The following GDA variants were observed in gnomAD, a reference collection of about 807,000 sequenced individuals.
GDA encodes the protein cytoplasmic PSD-95 interactor.
Under a neutral mutation model 59.6 loss-of-function variants are expected in GDA, and 18 were observed. The observed-to-expected ratio is 0.30, with a 90% CI of 0.21 to 0.45. The LOEUF (loss-of-function observed/expected upper bound fraction) is 0.45, where lower values mean the gene tolerates loss of function less well. GDA is among the 20% of genes least tolerant of loss of function. The probability of loss-of-function intolerance (pLI) is 1.00; values close to 1 mark genes in which losing one functional copy is unlikely to be tolerated. For synonymous variants in GDA, 201 were observed against 201.1 expected, an observed-to-expected ratio of 1.00 and a Z score of 0.00; for missense variants, 427 against 552.3, an observed-to-expected ratio of 0.77 and a Z score of 2.27.
In GDA at chr9:72,203,802, AG is replaced by A. The variant is rs572803689; in HGVS notation, c.384+1061del. On this transcript the variant is annotated intron_variant, in intron 3 of 13. Coordinates refer to ENST00000358399, the MANE Select transcript of GDA (RefSeq NM_004293.5). Reference sequence around the variant, plus strand: ...CATCATTCCAGTCTTAGAGAGTAAAAGCAAGTGCTTTTTTTTTTTCTTCTTT... The same window carrying A: ...CATCATTCCAGTCTTAGAGAGTAAAACAAGTGCTTTTTTTTTTTCTTCTTT... 2.9e-3 allele frequency among the ~76,000 whole-genome samples: 446 copies of A among 151,858 alleles called. 2 individuals carry two copies. Among genetic ancestry groups the A allele is most frequent in the African/African-American group, 0.01 (428 of 41,442 alleles).
chr9:72,231,663 T>C (rs1838367348), intron 10 of GDA, among the ~76,000 whole-genome samples: 1 of 152,180 alleles, frequency 6.6e-6, no homozygotes, highest in South Asian at 2.1e-4. Flanking sequence ...GATTAGGCTA[T>C]AAAGGATGAT....
At position 72,252,153 on chromosome 9, in the gene GDA, C is replaced by T. The variant is rs1369953783; in HGVS notation, c.*3811C>T. ...TTTTTCTCAATATTTGTATGATTCGCTTACTGTTATTGTGCTGAGTGAGCT... is the reference window on the plus strand; with the variant it reads ...TTTTTCTCAATATTTGTATGATTCGTTTACTGTTATTGTGCTGAGTGAGCT... On this transcript the variant is annotated 3_prime_UTR_variant, in exon 14 of 14. Transcript: ENST00000358399. The T allele has an allele frequency of 6.6e-6, 1 of 152,542 alleles. No individual in the cohort carries two copies. The highest frequency in any genetic ancestry group is 1.5e-5 in the Non-Finnish European group (1 of 68,018). The allele number at this position is 152,542 out of a possible 1,614,324, so 9.4% of individuals were successfully genotyped here.
intron 1 of GDA, among the ~76,000 whole-genome samples, chr9:72,163,320 G>T (rs111837588): frequency 1.3e-5 from 2 of 152,058 alleles, no homozygotes; most frequent in African/African-American, 4.8e-5. Flanking sequence ...ATTGCAATTT[G>T]GGGGGCATGC....
intron 8 of GDA, among the ~76,000 whole-genome samples, chr9:72,226,687 T>C (rs1287878881): frequency 1.3e-5 from 2 of 152,224 alleles, no homozygotes; most frequent in African/African-American, 4.8e-5. Context: ...AGGTTAATAC[T>C]TTGCATAAAT....
At chr9:72,133,187 G>T (rs1182236453) in intron 1 of GDA, among the ~76,000 whole-genome samples, 1 of 151,132 alleles carries the variant, frequency 6.6e-6, no homozygotes, top group East Asian at 1.9e-4. Context: ...CTACTTGGGA[G>T]GCTGAGGCAG....
upstream of GDA, among the ~76,000 whole-genome samples, chr9:72,149,181 G>A (rs1220207881): frequency 6.6e-6 from 1 of 152,226 alleles, no homozygotes; most frequent in Non-Finnish European, 1.5e-5. Context: ...CCTAGGAGTT[G>A]AAGGGTCAGA....
chr9:72,225,328 T>C (rs1837416206), intron 7 of GDA, among the ~76,000 whole-genome samples: 2 of 152,114 alleles, frequency 1.3e-5, no homozygotes, highest in African/African-American at 4.8e-5. Context: ...GCTAGGGTCC[T>C]GACTATCTTC....
At chr9:72,133,308 A>AAATAATAATAATAAT (rs1554722433) in intron 1 of GDA, among the ~76,000 whole-genome samples, 4 of 101,554 alleles carry the variant, frequency 3.9e-5, no homozygotes, top group African/African-American at 9.2e-5. Flanking sequence ...AAAAAAAAAA[A>AAATAATAATAATAAT]AATAATAATA....
At chr9:72,155,219 C>T (rs1397027773) in intron 1 of GDA, among the ~76,000 whole-genome samples, 1 of 152,152 alleles carries the variant, frequency 6.6e-6, no homozygotes, top group Non-Finnish European at 1.5e-5. Context: ...ACACTTCTTA[C>T]ATGGCGGCAG....
chr9:72,202,665 C>T lies in GDA; in HGVS notation c.307C>T (p.Leu103=). The part of the protein sequence containing the change: ...SSIDLPLLEW[L]TKYTFPAEHR... ...CATAGACCTGCCACTCTTGGAGTGG[C>T]TGACCAAGTACACATTTCCTGCAGA... The change falls in exon 3 of 14, where the codon CTG becomes TTG. Residue 103 remains leucine, a synonymous_variant. Transcript: ENST00000358399. 1 of 1,613,416 alleles carries T rather than the reference C, an allele frequency of 6.2e-7. No individual in the cohort carries two copies. The highest frequency in any genetic ancestry group is 8.5e-7 in the Non-Finnish European group (1 of 1,179,396).
chr9:72,196,439 A>T (rs932396971), intron 2 of GDA, among the ~76,000 whole-genome samples: 4 of 151,280 alleles, frequency 2.6e-5, no homozygotes, highest in Admixed American at 2.6e-4. Flanking sequence ...GTGAGCCAAG[A>T]TCATGCCACT....
At chr9:72,252,638 T>C (rs1482362830), downstream of GDA, among the ~76,000 whole-genome samples, 3 of 152,356 alleles carry the variant, frequency 2.0e-5, no homozygotes, top group East Asian at 5.8e-4. Context: ...TTTTAGTCTA[T>C]GTCATTTTAT....
intron 2 of GDA, 29 bp from the exon 3 acceptor site, chr9:72,202,542 A>T (rs761964345): frequency 2.8e-6 from 4 of 1,427,698 alleles, no homozygotes; most frequent in Non-Finnish European, 3.9e-6. Flanking sequence ...GATATTATTA[A>T]ATACTTTTAT....
chr9:72,241,880 T>C (rs1163834850), intron 11 of GDA, among the ~76,000 whole-genome samples: 2 of 152,102 alleles, frequency 1.3e-5, no homozygotes, highest in Admixed American at 6.6e-5. Context: ...GGCAACAGAG[T>C]GAGACCTTGT....
chr9:72,138,848 T>C (rs1404640501), intron 1 of GDA, among the ~76,000 whole-genome samples: 1 of 152,174 alleles, frequency 6.6e-6, no homozygotes, highest in African/African-American at 2.4e-5. Flanking sequence ...AAGTAAGAGA[T>C]TGGGGAAAGG....
intron 3 of GDA, 82 bp from the exon 4 acceptor site, chr9:72,210,605 A>T (rs1032021707): frequency 1.3e-6 from 1 of 765,650 alleles, no homozygotes; most frequent in African/African-American, 1.8e-5. Flanking sequence ...AAAATTAAAA[A>T]CTAAAATTCT....
chr9:72,215,956 G>C (rs1254521109), intron 5 of GDA, among the ~76,000 whole-genome samples: 1 of 152,190 alleles, frequency 6.6e-6, no homozygotes, highest in Non-Finnish European at 1.5e-5. Flanking sequence ...CAATCCCAGG[G>C]GAGGACTCTA....
rs1826931727 is a variant in GDA at position 72,149,831 on chromosome 9, A to G, written c.123+149A>G. On this transcript the variant is annotated intron_variant, in intron 1 of 13. Transcript: ENST00000358399. ...GAACTTGAGTCTTTGGCTCTTGGGCAACGCAGAGAGAACCCTGGCGCTAGG... is the reference window on the plus strand; with the variant it reads ...GAACTTGAGTCTTTGGCTCTTGGGCGACGCAGAGAGAACCCTGGCGCTAGG... The G allele has an allele frequency of 7.4e-6, 6 of 809,562 alleles. No individual in the cohort carries two copies. The South Asian group carries it at 1.2e-4, about 16-fold the overall frequency. 50.1% of individuals were successfully genotyped at this position (809,562 alleles called of 1,614,324 possible).
intron 10 of GDA, among the ~76,000 whole-genome samples, chr9:72,237,403 ATCCTATGAAGCACCTTCGT>A (rs950185414): frequency 6.6e-6 from 1 of 152,162 alleles, no homozygotes; most frequent in Non-Finnish European, 1.5e-5. Context: ...CTTATCTTGA[ATCCTATGAAGCACCTTCGT>A]TCTTCCCTTC....
Sources: allele counts gnomAD v4.1 joint callset (sites outside exome capture counted in the v4.1 genomes callset), GRCh38; gene constraint gnomAD v4.1.1; transcripts MANE v1.5; gene names NCBI Gene and HGNC (gene_info 2026-07-23, HGNC 2026-07-21).